NOL4: variants seen among roughly 807,000 people sequenced by gnomAD.
NOL4 encodes the protein cancer/testis antigen 125.
Under a neutral mutation model 75.9 loss-of-function variants are expected in NOL4, and 17 were observed. The observed-to-expected ratio is 0.22, with a 90% CI of 0.15 to 0.34. The LOEUF (loss-of-function observed/expected upper bound fraction) is 0.34. NOL4 is among the 10% of genes least tolerant of loss of function. NOL4 has a pLI of 1.00. For synonymous variants in NOL4, 292 were observed against 289.9 expected, an observed-to-expected ratio of 1.01 and a Z score of -0.07; for missense variants, 614 against 793.5, an observed-to-expected ratio of 0.77 and a Z score of 2.72.
intron 9 of NOL4, among the ~76,000 whole-genome samples, chr18:33,933,164 C>T (rs1282818858): frequency 7.9e-5 from 12 of 152,104 alleles, no homozygotes. Context: ...TATGTTTACC[C>T]TATATTGTAG....
rs137977730 is a variant in NOL4 at position 34,179,362 on chromosome 18, T to C, written c.264+43628A>G. ...AATAAGGAAATAATAGTGATTATAGTAGAAATAAATGAAATAGATACTAGA... is the reference window on the plus strand; with the variant it reads ...AATAAGGAAATAATAGTGATTATAGCAGAAATAAATGAAATAGATACTAGA... On this transcript the variant is annotated intron_variant, in intron 1 of 10. Coordinates refer to ENST00000261592, the MANE Select transcript of NOL4 (RefSeq NM_003787.5). 2.6e-5 allele frequency among the ~76,000 whole-genome samples: 4 copies of C among 151,144 alleles called. No individual in the cohort carries two copies. In the East Asian group the frequency reaches 5.8e-4, roughly 22 times the overall value.
rs187901544 is a variant in NOL4 at position 34,105,546 on chromosome 18, T to C, written c.415-386A>G. On this transcript the variant is annotated intron_variant, in intron 2 of 10. Transcript: ENST00000261592. ...AATTTGTATCCAATTTTAAATACTC[T>C]TTTTTGTAATTTAGCCCCAAGTAGG... is the stretch of plus-strand genomic sequence containing the variant. 3.4e-3 allele frequency among the ~76,000 whole-genome samples: 517 copies of C among 152,148 alleles called. 5 individuals carry two copies. Among genetic ancestry groups the C allele is most frequent in the South Asian group, 0.032 (155 of 4,830 alleles).
chr18:33,931,795 T>G (rs996604031), intron 9 of NOL4, among the ~76,000 whole-genome samples: 1 of 151,972 alleles, frequency 6.6e-6, no homozygotes, highest in Non-Finnish European at 1.5e-5. Flanking sequence ...GTTAAAAGCC[T>G]TTTTAGAATT....
At chr18:34,168,799 T>A (rs941064397) in intron 1 of NOL4, among the ~76,000 whole-genome samples, 1 of 145,398 alleles carries the variant, frequency 6.9e-6, no homozygotes, top group Non-Finnish European at 1.5e-5. Flanking sequence ...AATTCTAATT[T>A]ATAAATTCCA....
chr18:33,949,197 C>A (rs1335056895), intron 8 of NOL4, among the ~76,000 whole-genome samples: 1 of 152,004 alleles, frequency 6.6e-6, no homozygotes, highest in Admixed American at 6.6e-5. Context: ...CATAGATAAG[C>A]CAAGATTTCA....
chr18:34,153,634 G>C (rs996679365), intron 1 of NOL4, among the ~76,000 whole-genome samples: 3 of 151,930 alleles, frequency 2.0e-5, no homozygotes, highest in Non-Finnish European at 2.9e-5. Context: ...AGTAGGTCAG[G>C]TCATCTCTGG....
At position 34,105,131 on chromosome 18, in the gene NOL4, T is replaced by C; in HGVS notation, c.444A>G (p.Arg148=). ...AISESYAFLP[R]EAVTRFLMSC... is the part of the protein sequence containing the mutation. ...TCATTAGAAATCGTGTCACCGCTTC[T>C]CTTGGTAGGAAGGCATAGCTCTCTG... The change falls in exon 3 of 11, where the codon AGA becomes AGG. Residue 148 remains arginine, a synonymous_variant. Transcript: ENST00000261592. 1 of 1,612,034 alleles carries C rather than the reference T, an allele frequency of 6.2e-7. No individual in the cohort carries two copies. Among genetic ancestry groups the C allele is most frequent in the East Asian group, 2.2e-5 (1 of 44,822 alleles).
chr18:34,108,525 C>A (rs892864915), intron 2 of NOL4, among the ~76,000 whole-genome samples: 5 of 151,990 alleles, frequency 3.3e-5, no homozygotes, highest in Admixed American at 6.6e-5. Context: ...CAAATGGTAA[C>A]CAAAAGGGAT....
intron 6 of NOL4, among the ~76,000 whole-genome samples, chr18:34,008,051 C>T (rs925553635): frequency 6.6e-6 from 1 of 151,918 alleles, no homozygotes; most frequent in Non-Finnish European, 1.5e-5. Flanking sequence ...TCACCTTCAC[C>T]AATGTGAGTG....
At chr18:33,870,147 T>C (rs999131953) in intron 10 of NOL4, among the ~76,000 whole-genome samples, 7 of 152,090 alleles carry the variant, frequency 4.6e-5, no homozygotes, top group African/African-American at 1.2e-4. Context: ...AACAAAAGCA[T>C]TACCTCACCT....
intron 1 of NOL4, among the ~76,000 whole-genome samples, chr18:34,169,961 G>C (rs866819997): frequency 6.6e-6 from 1 of 152,010 alleles, no homozygotes; most frequent in African/African-American, 2.4e-5. Flanking sequence ...TTTAGACTTT[G>C]TATATGCTGT....
chr18:34,060,333 T>C (rs1012152430), intron 5 of NOL4, among the ~76,000 whole-genome samples: 2 of 152,200 alleles, frequency 1.3e-5, no homozygotes, highest in Admixed American at 1.3e-4. Flanking sequence ...GTGTTTACTC[T>C]TTCAATTTTG....
In NOL4 at chr18:33,922,525, A is replaced by G. The variant is rs573914577; in HGVS notation, c.1542+20540T>C. ...CTTCATAGCTGCTTTCATTTCTAGC[A>G]CTTAGTCTTGCAGTCTGCAGGCTGT... On this transcript the variant is annotated intron_variant, in intron 9 of 10. Coordinates refer to ENST00000261592, the MANE Select transcript of NOL4 (RefSeq NM_003787.5). 7.9e-5 allele frequency among the ~76,000 whole-genome samples: 12 copies of G among 152,292 alleles called. No individual in the cohort carries two copies. In the South Asian group the frequency reaches 2.3e-3, roughly 29 times the overall value.
At chr18:33,885,978 C>T (rs747141660) in intron 9 of NOL4, among the ~76,000 whole-genome samples, 9 of 152,118 alleles carry the variant, frequency 5.9e-5, no homozygotes, top group Non-Finnish European at 1.3e-4. Flanking sequence ...CAATGGAGTG[C>T]TATTTGGCCA....
intron 5 of NOL4, among the ~76,000 whole-genome samples, chr18:34,061,052 T>G (rs2077046547): frequency 6.6e-6 from 1 of 152,158 alleles, no homozygotes; most frequent in African/African-American, 2.4e-5. Context: ...TGTCTGACGC[T>G]GACACGCCCT....
chr18:33,861,813 A>T (rs1480201277), intron 10 of NOL4, among the ~76,000 whole-genome samples: 9 of 152,166 alleles, frequency 5.9e-5, no homozygotes, highest in Non-Finnish European at 1.2e-4. Context: ...ATGGGTAGGA[A>T]GAATCAATAT....
At chr18:33,988,446 A>T (rs1348337643) in intron 6 of NOL4, among the ~76,000 whole-genome samples, 2 of 152,048 alleles carry the variant, frequency 1.3e-5, no homozygotes, top group African/African-American at 4.8e-5. Context: ...CAACCCAGGA[A>T]ATGGTCCAAA....
chr18:34,023,602 C>A (rs1258386165), intron 5 of NOL4: 2 of 355,682 alleles, frequency 5.6e-6, no homozygotes, highest in Non-Finnish European at 1.2e-5. Context: ...TATATGAGTC[C>A]CAAGGAAAAC....
chr18:34,005,998 CCT>C (rs1192101053), intron 6 of NOL4, among the ~76,000 whole-genome samples: 3 of 152,054 alleles, frequency 2.0e-5, no homozygotes, highest in Admixed American at 6.6e-5. Flanking sequence ...TCTTCAATTT[CCT>C]ACTTTGTGTT....
Sources: gnomAD v4.1 joint callset for allele counts (sites outside exome capture counted in the v4.1 genomes callset) on GRCh38, gnomAD v4.1.1 for gene constraint, MANE v1.5 for transcripts, NCBI Gene and HGNC (gene_info 2026-07-23, HGNC 2026-07-21) for gene names.